GSK3B: variants seen among roughly 807,000 people sequenced by gnomAD.
GSK3B encodes the protein glycogen synthase kinase-3 beta.
GSK3B carries 15 observed loss-of-function variants against 56.4 expected under a neutral mutation model. That is an observed-to-expected ratio of 0.27 (90% CI 0.18 to 0.41). GSK3B has a LOEUF of 0.41. Ranked by LOEUF, GSK3B falls within the 10% of genes least tolerant of loss-of-function variation. The pLI, the probability that GSK3B is intolerant of heterozygous loss-of-function variation, is 1.00. For synonymous variants in GSK3B, 181 were observed against 188.9 expected (o/e 0.96, Z 0.34); for missense variants, 300 against 513.4 (o/e 0.58, Z 4.02).
intron 1 of GSK3B, among the ~76,000 whole-genome samples, chr3:120,083,372 T>C (rs917512145): frequency 2.0e-5 from 3 of 151,838 alleles, no homozygotes; most frequent in African/African-American, 4.8e-5. Flanking sequence ...ATCCCAGCAG[T>C]TGGACGAGGG....
In GSK3B at chr3:120,093,897, AGGAG is replaced by A. The variant is rs1341959824; in HGVS notation, c.-467_-464del. On this transcript the variant is annotated 5_prime_UTR_variant, in exon 1 of 11. Transcript: ENST00000264235. Reference sequence around the variant, plus strand: ...CGCTTGAAGAGAAAGGGGGATGGGTAGGAGGGAGGGAGAGGGAGGGAGGGGGTGG... The same window carrying A: ...CGCTTGAAGAGAAAGGGGGATGGGTAGGAGGGAGAGGGAGGGAGGGGGTGG... 11 of 139,380 alleles carry A rather than the reference AGGAG, an allele frequency of 7.9e-5. No individual in the cohort carries two copies. In the East Asian group the frequency reaches 1.9e-3, roughly 24 times the overall value. 8.6% of individuals were successfully genotyped at this position (139,380 alleles called of 1,614,324 possible).
intron 3 of GSK3B, among the ~76,000 whole-genome samples, chr3:119,931,621 A>G (rs1330271731): frequency 6.6e-6 from 1 of 152,102 alleles, no homozygotes; most frequent in African/African-American, 2.4e-5. Flanking sequence ...TCAAAAAAAC[A>G]AAACAAAACA....
chr3:119,893,575 T>TTTGA (rs2056528439), intron 7 of GSK3B, among the ~76,000 whole-genome samples: 1 of 152,156 alleles, frequency 6.6e-6, no homozygotes, highest in Non-Finnish European at 1.5e-5. Flanking sequence ...TGTCACATTA[T>TTTGA]TTGAGCACAA....
chr3:119,822,121 A>AAAC lies in GSK3B; in HGVS notation c.*4666_*4667insGTT. The AAAC allele has an allele frequency of 1.8e-5, 1 of 56,904 alleles. No individual in the cohort carries two copies. The highest frequency in any genetic ancestry group is 3.2e-5 in the Non-Finnish European group (1 of 31,080). The allele number at this position is 56,904 out of a possible 1,614,324, so 3.5% of individuals were successfully genotyped here. A position where few individuals can be genotyped will look rare whatever the true frequency, so the allele number is the denominator to read the frequency against. On this transcript the variant is annotated 3_prime_UTR_variant, in exon 11 of 11. Coordinates refer to ENST00000264235, the MANE Select transcript of GSK3B (RefSeq NM_001146156.2). The stretch of plus-strand genomic sequence containing the variant: ...CACAAAAAAGTTTATATTTAAAATG[A>AAAC]AAAAAAAATCAGTCACAGAGGCATT...
intron 1 of GSK3B, among the ~76,000 whole-genome samples, chr3:120,039,713 A>T (rs938593882): frequency 1.3e-5 from 2 of 152,214 alleles, no homozygotes; most frequent in African/African-American, 4.8e-5. Flanking sequence ...AACCCAGCCC[A>T]TGCGGGAGTG....
In GSK3B at chr3:119,863,466, A is replaced by G; in HGVS notation, c.1049T>C (p.Leu350Pro). The change falls in exon 9 of 11, where the codon CTA (leucine) becomes CCA (proline). Residue 350 changes from leucine to proline, a missense_variant. Coordinates refer to ENST00000264235, the MANE Select transcript of GSK3B (RefSeq NM_001146156.2). ...FDELRDPNVK[L>P]PNGRDTPALF... ...TGCAGGTGTGTCTCGCCCATTTGGT[A>G]GTTTGACATTTGGGTCCCGTAATTC... The G allele has an allele frequency of 1.9e-6, 3 of 1,614,058 alleles. No individual in the cohort carries two copies. The highest frequency in any genetic ancestry group is 2.5e-6 in the Non-Finnish European group (3 of 1,179,954).
chr3:119,864,531 A>G (rs1311125875), intron 8 of GSK3B, among the ~76,000 whole-genome samples: 1 of 152,374 alleles, frequency 6.6e-6, no homozygotes, highest in African/African-American at 2.4e-5. Flanking sequence ...ATCCCTCGAC[A>G]GGAAGAACAT....
In GSK3B at chr3:119,922,128, T is replaced by C. The variant is rs567585926; in HGVS notation, c.477+1245A>G. Among the ~76,000 whole-genome samples the C allele has an allele frequency of 5.6e-4, 82 of 146,284 alleles. 1 individual carries two copies. In the South Asian group the frequency reaches 0.017, roughly 31 times the overall value. ...CTCCAGCCTGGGCAACAGAGTGAAATGAAGGAAGGAAGGAAGGAAGGAGGT... is the reference window on the plus strand; with the variant it reads ...CTCCAGCCTGGGCAACAGAGTGAAACGAAGGAAGGAAGGAAGGAAGGAGGT... On this transcript the variant is annotated intron_variant, in intron 4 of 10. Transcript: ENST00000264235.
intron 2 of GSK3B, among the ~76,000 whole-genome samples, chr3:119,984,333 A>T (rs2057493513): frequency 6.6e-6 from 1 of 152,122 alleles, no homozygotes; most frequent in East Asian, 1.9e-4. Flanking sequence ...AAAAGCTAGC[A>T]AAAGGCAAGA....
At chr3:119,875,079 C>T (rs903090842) in intron 8 of GSK3B, among the ~76,000 whole-genome samples, 1 of 152,016 alleles carries the variant, frequency 6.6e-6, no homozygotes, top group Non-Finnish European at 1.5e-5. Context: ...TTAGTGCTTA[C>T]CATAAACTTT....
At chr3:120,064,560 A>G (rs138269491) in intron 1 of GSK3B, among the ~76,000 whole-genome samples, 1 of 152,222 alleles carries the variant, frequency 6.6e-6, no homozygotes, top group African/African-American at 2.4e-5. Flanking sequence ...ATAGGAAGAC[A>G]TAATACTGTC....
intron 1 of GSK3B, among the ~76,000 whole-genome samples, chr3:120,049,798 C>T (rs1352758732): frequency 2.0e-5 from 3 of 152,106 alleles, no homozygotes; most frequent in Non-Finnish European, 4.4e-5. Flanking sequence ...AAAGGCCCGA[C>T]AGTAAACATT....
At position 119,964,687 on chromosome 3, in the gene GSK3B, G is replaced by C. The variant is rs2057303299; in HGVS notation, c.283-17336C>G. 2.6e-5 allele frequency among the ~76,000 whole-genome samples: 4 copies of C among 152,126 alleles called. No homozygotes were observed. The South Asian group carries it at 8.3e-4, about 32-fold the overall frequency. On this transcript the variant is annotated intron_variant, in intron 2 of 10. Coordinates refer to ENST00000264235, the MANE Select transcript of GSK3B (RefSeq NM_001146156.2). The stretch of plus-strand genomic sequence containing the variant: ...TTACAGAGATATGCTTTCCAACATA[G>C]GGCCTATAATTAACAAGGTGAACTT...
chr3:119,827,553 A>G (rs1350957154), intron 10 of GSK3B, among the ~76,000 whole-genome samples: 1 of 147,736 alleles, frequency 6.8e-6, no homozygotes, highest in African/African-American at 2.5e-5. Flanking sequence ...GTGAGCCAAG[A>G]CCACCTGGGA....
chr3:120,033,212 T>G (rs1294491894), intron 1 of GSK3B, among the ~76,000 whole-genome samples: 2 of 152,258 alleles, frequency 1.3e-5, no homozygotes. Flanking sequence ...ATAATCCATT[T>G]ATGGAAATCC....
At chr3:119,979,665 G>A (rs1559861951) in intron 2 of GSK3B, among the ~76,000 whole-genome samples, 1 of 152,110 alleles carries the variant, frequency 6.6e-6, no homozygotes. Flanking sequence ...TTATTTTCCT[G>A]GAAAAGGTTT....
At chr3:119,856,451 T>A (rs936110611) in intron 9 of GSK3B, among the ~76,000 whole-genome samples, 2 of 152,194 alleles carry the variant, frequency 1.3e-5, no homozygotes, top group African/African-American at 4.8e-5. Flanking sequence ...GTAGAGTACA[T>A]CCAAAGTAGC....
chr3:120,000,205 A>G (rs1300786316), intron 2 of GSK3B, among the ~76,000 whole-genome samples: 2 of 152,232 alleles, frequency 1.3e-5, no homozygotes, highest in South Asian at 2.1e-4. Flanking sequence ...AACAGTCTGA[A>G]TAACAGTGAA....
chr3:119,871,725 T>C (rs931947657), intron 8 of GSK3B, among the ~76,000 whole-genome samples: 1 of 151,970 alleles, frequency 6.6e-6, no homozygotes, highest in African/African-American at 2.4e-5. Context: ...GAGGCAGAAA[T>C]GAATGTGGCT....
Sources: gnomAD v4.1 joint callset for allele counts (sites outside exome capture counted in the v4.1 genomes callset) on GRCh38, gnomAD v4.1.1 for gene constraint, MANE v1.5 for transcripts, NCBI Gene and HGNC (gene_info 2026-07-23, HGNC 2026-07-21) for gene names.